The following WLS variants were observed in gnomAD, a reference collection of about 807,000 sequenced individuals.
WLS encodes the protein protein wntless homolog.
WLS carries 23 observed loss-of-function variants against 62.8 expected under a neutral mutation model. The ratio of observed to expected loss-of-function variants is 0.37; its 90% CI spans 0.26 to 0.52. The LOEUF (loss-of-function observed/expected upper bound fraction) is 0.52, where lower values mean the gene tolerates loss of function less well. WLS is among the 20% of genes least tolerant of loss of function. The pLI, the probability that WLS is intolerant of heterozygous loss-of-function variation, is 0.92. For synonymous variants in WLS, 246 were observed against 244.1 expected, an observed-to-expected ratio of 1.01 and a Z score of -0.07; for missense variants, 615 against 697.3, an observed-to-expected ratio of 0.88 and a Z score of 1.33.
intron 1 of WLS, among the ~76,000 whole-genome samples, chr1:68,195,805 C>G (rs1648628888): frequency 6.6e-6 from 1 of 151,944 alleles, no homozygotes; most frequent in Non-Finnish European, 1.5e-5. Context: ...TTATTTTTTG[C>G]AATTTCATTT....
chr1:68,151,182 A>G (rs17130532), intron 5 of WLS, among the ~76,000 whole-genome samples: 8,090 of 152,232 alleles, frequency 0.053, 237 homozygotes, highest in Middle Eastern at 0.11. Context: ...TGTGAGTCAA[A>G]GTGAGGGAAG....
At chr1:68,194,547 T>A (rs1344812123) in intron 1 of WLS, among the ~76,000 whole-genome samples, 1 of 152,210 alleles carries the variant, frequency 6.6e-6, no homozygotes, top group African/African-American at 2.4e-5. Context: ...CCCACCTGAT[T>A]GAGGTCTTGG....
intron 11 of WLS, among the ~76,000 whole-genome samples, chr1:68,104,339 A>T (rs999955043): frequency 6.6e-6 from 1 of 152,198 alleles, no homozygotes; most frequent in African/African-American, 2.4e-5. Context: ...CTAGTTATGC[A>T]AAGTCCAGGG....
chr1:68,192,056 CCA>C (rs1283078692), intron 2 of WLS, among the ~76,000 whole-genome samples: 1 of 152,186 alleles, frequency 6.6e-6, no homozygotes, highest in African/African-American at 2.4e-5. Flanking sequence ...CCTGTCATTT[CCA>C]CTTAGCCGTA....
chr1:68,213,776 C>A (rs895314310), intron 1 of WLS, among the ~76,000 whole-genome samples: 1 of 152,148 alleles, frequency 6.6e-6, no homozygotes, highest in African/African-American at 2.4e-5. Context: ...CTTGTCTTCC[C>A]AAATTTAAGT....
intron 11 of WLS, among the ~76,000 whole-genome samples, chr1:68,101,878 C>T (rs749046978): frequency 1.3e-5 from 2 of 152,194 alleles, no homozygotes; most frequent in Admixed American, 6.5e-5. Context: ...ACAAAAAATA[C>T]GCTCTTAAAA....
intron 2 of WLS, among the ~76,000 whole-genome samples, chr1:68,189,405 AT>A (rs1296673101): frequency 3.9e-5 from 6 of 152,180 alleles, no homozygotes; most frequent in African/African-American, 1.4e-4. Flanking sequence ...TGAACAGTAT[AT>A]TTTTTCTTTC....
intron 8 of WLS, among the ~76,000 whole-genome samples, chr1:68,146,516 A>G (rs1646754542): frequency 6.6e-6 from 1 of 152,170 alleles, no homozygotes; most frequent in African/African-American, 2.4e-5. Flanking sequence ...ATGTTTGGGA[A>G]CCACTGGGCT....
At chr1:68,227,167 G>C (rs79249162) in intron 1 of WLS, among the ~76,000 whole-genome samples, 13,182 of 152,220 alleles carry the variant, frequency 0.087, 1,112 homozygotes, top group East Asian at 0.38. Context: ...GCCGAGGCAG[G>C]TGGATCTCCT....
intron 1 of WLS, among the ~76,000 whole-genome samples, chr1:68,227,793 C>T (rs1650226481): frequency 6.6e-6 from 1 of 152,122 alleles, no homozygotes; most frequent in Non-Finnish European, 1.5e-5. Flanking sequence ...CACCCAAATA[C>T]TGAAGGATTA....
At chr1:68,180,705 T>C (rs1232751328) in intron 2 of WLS, among the ~76,000 whole-genome samples, 1 of 151,962 alleles carries the variant, frequency 6.6e-6, no homozygotes, top group East Asian at 1.9e-4. Flanking sequence ...TGTACACTAG[T>C]GATGGCCCCC....
intron 1 of WLS, chr1:68,231,914 C>T (rs957825737): frequency 4.0e-6 from 2 of 500,070 alleles, no homozygotes; most frequent in South Asian, 1.7e-5. Context: ...TCGCGCGATC[C>T]GTCGCCATGC....
At chr1:68,178,705 C>CAAAAAAAA (rs376126398) in intron 2 of WLS, among the ~76,000 whole-genome samples, 6,283 of 107,616 alleles carry the variant, frequency 0.058, 165 homozygotes, top group African/African-American at 0.073. Context: ...GACTACATTT[C>CAAAAAAAA]AAAAAAAAAA....
At chr1:68,145,708 G>A (rs1186337850) in intron 9 of WLS, among the ~76,000 whole-genome samples, 161 bp downstream of exon 9, 1 of 152,116 alleles carries the variant, frequency 6.6e-6, no homozygotes, top group Non-Finnish European at 1.5e-5. Context: ...GCTTCTCAGA[G>A]TAAGATTTGG....
rs551294193 is a variant in WLS, at chr1:68,183,959, T to C, written c.379+9996A>G. Among the ~76,000 whole-genome samples, 258 of 152,290 alleles carry C rather than the reference T, an allele frequency of 1.7e-3. 1 individual carries two copies. The highest frequency in any genetic ancestry group is 6.0e-3 in the African/African-American group (249 of 41,562). ...AATAATGAAACAAGTAAGACAACACTGGGTTCCAGTGTACAGCACAAGGAT... is the reference window on the plus strand; with the variant it reads ...AATAATGAAACAAGTAAGACAACACCGGGTTCCAGTGTACAGCACAAGGAT... On this transcript the variant is annotated intron_variant, in intron 2 of 11. Coordinates refer to ENST00000262348, the MANE Select transcript of WLS (RefSeq NM_024911.7).
chr1:68,162,582 C>T, intron 2 of WLS: 1 of 1,498,412 alleles, frequency 6.7e-7, no homozygotes, highest in Admixed American at 1.7e-5. Context: ...CCGAGGCCAA[C>T]TCGCGGTTCT....
At chr1:68,214,199 A>ACACACACACACACATG (rs761676326) in intron 1 of WLS, among the ~76,000 whole-genome samples, 72 of 151,948 alleles carry the variant, frequency 4.7e-4, no homozygotes, top group African/African-American at 1.7e-3. Context: ...ACACACACAC[A>ACACACACACACACATG]CACACACACA....
chr1:68,202,627 G>A (rs906822988), intron 1 of WLS: 5 of 152,132 alleles, frequency 3.3e-5, no homozygotes, highest in East Asian at 1.9e-4. Context: ...CTCATTGCTC[G>A]GCTGGCCAGT....
At chr1:68,177,747 G>T (rs1421998026) in intron 2 of WLS, among the ~76,000 whole-genome samples, 1 of 152,112 alleles carries the variant, frequency 6.6e-6, no homozygotes, top group African/African-American at 2.4e-5. Flanking sequence ...GCCCTCCTGG[G>T]CCTCCCAAAG....
Sources: allele counts gnomAD v4.1 joint callset (sites outside exome capture counted in the v4.1 genomes callset), GRCh38; gene constraint gnomAD v4.1.1; transcripts MANE v1.5; gene names NCBI Gene and HGNC (gene_info 2026-07-23, HGNC 2026-07-21).